FAM193A: variants seen among roughly 807,000 people sequenced by gnomAD.
FAM193A encodes the protein protein FAM193A.
Under a neutral mutation model 126.5 loss-of-function variants are expected in FAM193A, and 22 were observed. The ratio of observed to expected loss-of-function variants is 0.17; its 90% CI spans 0.12 to 0.25. FAM193A has a LOEUF of 0.25. Ranked by LOEUF, FAM193A falls within the 10% of genes least tolerant of loss-of-function variation. FAM193A has a pLI of 1.00. For synonymous variants in FAM193A, 761 were observed against 646.8 expected, an observed-to-expected ratio of 1.18 and a Z score of -2.68; for missense variants, 1,675 against 1,672.8, an observed-to-expected ratio of 1.00 and a Z score of -0.02.
At chr4:2,689,836 G>A in intron 14 of FAM193A, 132 bp downstream of exon 14, 1 of 625,066 alleles carries the variant, frequency 1.6e-6, no homozygotes, top group Non-Finnish European at 2.7e-6. Context: ...GTCTCCAGTG[G>A]GAGGCCCCTC....
At chr4:2,582,579 A>G (rs768613993) in intron 1 of FAM193A, among the ~76,000 whole-genome samples, 2 of 151,674 alleles carry the variant, frequency 1.3e-5, no homozygotes, top group Non-Finnish European at 2.9e-5. Flanking sequence ...AAGTGATAGG[A>G]CCAGGTGTTT....
In FAM193A at chr4:2,673,834, T is replaced by TG. The variant is rs1168948214; in HGVS notation, c.2331+1466dup. On this transcript the variant is annotated intron_variant, in intron 13 of 20. Coordinates refer to ENST00000637812, the MANE Select transcript of FAM193A (RefSeq NM_001366318.2). ...TAAAATTGATTATTACTAAAGACTG[T>TG]GGGGCCCCTTTGGTTAAAAATTGAT... 3.3e-5 allele frequency among the ~76,000 whole-genome samples: 5 copies of TG among 152,340 alleles called. No individual in the cohort carries two copies. The East Asian group carries it at 9.6e-4, about 29-fold the overall frequency.
chr4:2,703,640 A>G (rs1009234724), intron 19 of FAM193A, among the ~76,000 whole-genome samples: 5 of 151,994 alleles, frequency 3.3e-5, no homozygotes, highest in Non-Finnish European at 5.9e-5. Context: ...TCCTTGGAGC[A>G]CTTTCCCAGA....
intron 5 of FAM193A, among the ~76,000 whole-genome samples, chr4:2,632,750 C>A (rs573798966): frequency 2.0e-5 from 3 of 152,118 alleles, no homozygotes; most frequent in African/African-American, 7.2e-5. Flanking sequence ...GGTAGTGCCA[C>A]CAGGCTTCCT....
intron 19 of FAM193A, among the ~76,000 whole-genome samples, chr4:2,712,126 G>C (rs1719046232): frequency 6.6e-6 from 1 of 152,026 alleles, no homozygotes; most frequent in Admixed American, 6.6e-5. Flanking sequence ...GTCAGCTTTT[G>C]TAACTCCTCC....
Position 2,672,176 on chromosome 4 carries a change from G to C in FAM193A, c.2135G>C (p.Gly712Ala). 6.2e-7 allele frequency: 1 copy of C among 1,614,116 alleles called. No individual in the cohort carries two copies. Among genetic ancestry groups the C allele is most frequent in the Non-Finnish European group, 8.5e-7 (1 of 1,180,016 alleles). Residue 712 changes from glycine (G) to alanine (A), a missense_variant, in exon 13 of 21, where the codon GGA becomes GCA. Gly to Ala is a moderately conservative substitution (Grantham distance 60). Transcript: ENST00000637812. ...CATGTTTGTAAGCAGGAAGCTTCTG[G>C]ACTGACACCATCTGCAATGACAGCC... ...ECHVCKQEAS[G>A]LTPSAMTAGA...
intron 18 of FAM193A, among the ~76,000 whole-genome samples, chr4:2,697,314 C>T (rs4690089): frequency 0.38 from 57,985 of 151,946 alleles, 11,742 homozygotes; most frequent in Admixed American, 0.55. Flanking sequence ...CGAGATTATG[C>T]CACTGCCCTC....
At position 2,700,388 on chromosome 4, in the gene FAM193A, A is replaced by C; in HGVS notation, c.4216A>C (p.Ile1406Leu). The C allele has an allele frequency of 6.2e-7, 1 of 1,614,102 alleles. No homozygotes were observed. The highest frequency in any genetic ancestry group is 8.5e-7 in the Non-Finnish European group (1 of 1,180,018). ...NNNNKKQLNH[I>L]KDEKSNPTPM... ...CAATAACAAAAAGCAGCTGAACCACATCAAGGACGAAAAGTCAAACCCAAC... is the reference window on the plus strand; with the variant it reads ...CAATAACAAAAAGCAGCTGAACCACCTCAAGGACGAAAAGTCAAACCCAAC... The change falls in exon 19 of 21, where the codon ATC becomes CTC. Residue 1406 changes from isoleucine to leucine, a missense_variant. Ile to Leu is a conservative substitution (Grantham distance 5). This residue lies in a region of FAM193A where 415 missense variants were observed against 396.7 expected (regional missense o/e 1.05). Transcript: ENST00000637812.
chr4:2,568,273 C>G (rs558393131), intron 1 of FAM193A, among the ~76,000 whole-genome samples: 1 of 152,146 alleles, frequency 6.6e-6, no homozygotes, highest in Admixed American at 6.5e-5. Flanking sequence ...AATTTTAAGG[C>G]CTAGTACGTT....
At chr4:2,556,354 C>T (rs550167309) in intron 1 of FAM193A, among the ~76,000 whole-genome samples, 34 of 152,052 alleles carry the variant, frequency 2.2e-4, no homozygotes, top group Non-Finnish European at 4.3e-4. Flanking sequence ...TACAGGTACG[C>T]ACCACCAAAC....
At chr4:2,579,313 G>C (rs889979204) in intron 1 of FAM193A, among the ~76,000 whole-genome samples, 16 of 151,722 alleles carry the variant, frequency 1.1e-4, no homozygotes, top group African/African-American at 3.6e-4. Context: ...TGGCCAACAT[G>C]GTGAAACCCC....
chr4:2,658,518 G>A (rs1209316869), intron 8 of FAM193A, among the ~76,000 whole-genome samples: 1 of 152,122 alleles, frequency 6.6e-6, no homozygotes, highest in Non-Finnish European at 1.5e-5. Context: ...TCCCATCCAC[G>A]TGCCACATCG....
chr4:2,731,196 CAAAAAAA>C (rs546217602), intron 20 of FAM193A, among the ~76,000 whole-genome samples: 82 of 86,868 alleles, frequency 9.4e-4, no homozygotes, highest in African/African-American at 2.0e-3. Flanking sequence ...AACTCCTTCT[CAAAAAAA>C]AAAAAAAAAA....
chr4:2,716,904 G>GA (rs1204465474), intron 20 of FAM193A, among the ~76,000 whole-genome samples: 2 of 152,114 alleles, frequency 1.3e-5, no homozygotes, highest in Non-Finnish European at 2.9e-5. Flanking sequence ...TCAAACTCCT[G>GA]ACCTCAGGTG....
At chr4:2,693,899 G>A (rs773358142) in intron 16 of FAM193A, 25 bp downstream of exon 16, 18 of 1,599,664 alleles carry the variant, frequency 1.1e-5, no homozygotes, top group South Asian at 4.5e-5. Flanking sequence ...GACTGGGGAC[G>A]TGGGAGCACT....
intron 5 of FAM193A, among the ~76,000 whole-genome samples, chr4:2,633,901 A>AG (rs1459116596): frequency 6.6e-6 from 1 of 152,198 alleles, no homozygotes; most frequent in Non-Finnish European, 1.5e-5. Context: ...CTCAAAAAAA[A>AG]GATGAAATCT....
Position 2,626,458 on chromosome 4 carries a change from C to T in FAM193A, c.684C>T (p.Tyr228=), listed in dbSNP as rs1218343674. The change falls in exon 4 of 21, where the codon TAC becomes TAT. Residue 228 remains tyrosine (Y), a synonymous_variant. Coordinates refer to ENST00000637812, the MANE Select transcript of FAM193A (RefSeq NM_001366318.2). ...GGGAACCTCAGCAGCTGCAGAACTACTGGTCAGAAGTGCGCTACACGGTGC... is the reference window on the plus strand; with the variant it reads ...GGGAACCTCAGCAGCTGCAGAACTATTGGTCAGAAGTGCGCTACACGGTGC... ...ADREPQQLQN[Y]WSEVRYTVRC... 2 of 701,356 alleles carry T rather than the reference C, an allele frequency of 2.9e-6. No homozygotes were observed. Among genetic ancestry groups the T allele is most frequent in the Non-Finnish European group, 5.2e-6 (2 of 383,696 alleles). 43.4% of individuals were successfully genotyped at this position (701,356 alleles called of 1,614,324 possible).
chr4:2,652,214 G>A (rs1397564818), intron 7 of FAM193A, among the ~76,000 whole-genome samples: 1 of 152,192 alleles, frequency 6.6e-6, no homozygotes, highest in Non-Finnish European at 1.5e-5. Flanking sequence ...ACTTGGGTGT[G>A]TCGGTGCTTC....
intron 1 of FAM193A, among the ~76,000 whole-genome samples, chr4:2,563,397 T>A (rs1331786227): frequency 1.3e-5 from 2 of 152,154 alleles, no homozygotes; most frequent in Non-Finnish European, 2.9e-5. Flanking sequence ...CTAATTTTAA[T>A]TAAACTGGTC....
Sources: gnomAD v4.1 joint callset for allele counts (sites outside exome capture counted in the v4.1 genomes callset) on GRCh38, gnomAD v4.1.1 for gene constraint, gnomAD v4.1.1 regional missense constraint, MANE v1.5 for transcripts, NCBI Gene and HGNC (gene_info 2026-07-23, HGNC 2026-07-21) for gene names.